NOP56: variants seen among roughly 807,000 people sequenced by gnomAD.
The protein encoded by NOP56 is nucleolar protein 56.
Under a neutral mutation model 58.3 loss-of-function variants are expected in NOP56, and 31 were observed. That is an observed-to-expected ratio of 0.53 (90% confidence interval 0.40 to 0.72). The LOEUF is 0.72. NOP56 is among the 30% of genes least tolerant of loss of function. The pLI, the probability that NOP56 is intolerant of heterozygous loss-of-function variation, is 0.00. For synonymous variants in NOP56, 313 were observed against 282.8 expected (o/e 1.11, Z -1.07); for missense variants, 669 against 739.9 (o/e 0.90, Z 1.11).
chr20:2,652,824 C>T lies in NOP56; in HGVS notation c.4-18C>T. Reference sequence around the variant, plus strand: ...CGCTGAGGTTGCGTTGACGCTCGCGCCCCGGCTCCCGTTCCAGGTGCTGTT... The same window carrying T: ...CGCTGAGGTTGCGTTGACGCTCGCGTCCCGGCTCCCGTTCCAGGTGCTGTT... On this transcript the variant is annotated intron_variant, in intron 1 of 11. Coordinates refer to ENST00000329276, the MANE Select transcript of NOP56 (RefSeq NM_006392.4). The T allele has an allele frequency of 6.2e-7, 1 of 1,605,790 alleles. No homozygotes were observed. Among genetic ancestry groups the T allele is most frequent in the Non-Finnish European group, 8.5e-7 (1 of 1,176,866 alleles).
At chr20:2,656,666 G>A (rs959999174) in intron 9 of NOP56, 108 bp from the exon 10 acceptor site, 1 of 1,607,668 alleles carries the variant, frequency 6.2e-7, no homozygotes, top group Non-Finnish European at 8.5e-7. Context: ...AGTTCACCTA[G>A]TGAGTGTTGA....
chr20:2,652,969 G>C (rs778247906), intron 2 of NOP56, 38 bp downstream of exon 2: 4 of 1,523,354 alleles, frequency 2.6e-6, no homozygotes, highest in Non-Finnish European at 3.6e-6. Context: ...CGGCCCCGCA[G>C]ACCCTCATCG....
intron 5 of NOP56, 156 bp downstream of exon 5, chr20:2,655,103 C>A (rs974102313): frequency 2.8e-6 from 3 of 1,079,222 alleles, no homozygotes; most frequent in Non-Finnish European, 4.3e-6. Context: ...TGTTCTTACA[C>A]TGACTGTATA....
rs746587837 is a variant in NOP56, at chr20:2,658,069, C to T, written c.1560C>T (p.Ser520=). The T allele has an allele frequency of 3.1e-6, 5 of 1,613,846 alleles. No individual in the cohort carries two copies. The highest frequency in any genetic ancestry group is 2.2e-5 in the South Asian group (2 of 91,058). The part of the protein sequence containing the change: ...KSFSKEELMS[S]DLEETAGSTS... Reference sequence around the variant, plus strand: ...TTTCCAAGGAGGAGTTGATGAGTAGCGATCTTGAAGAGACCGCTGGCAGCA... The same window carrying T: ...TTTCCAAGGAGGAGTTGATGAGTAGTGATCTTGAAGAGACCGCTGGCAGCA... The change falls in exon 12 of 12, where the codon AGC becomes AGT. Residue 520 remains serine (S), a synonymous_variant. Transcript: ENST00000329276.
chr20:2,655,811 T>C, intron 7 of NOP56, 65 bp downstream of exon 7: 2 of 1,612,244 alleles, frequency 1.2e-6, no homozygotes, highest in Non-Finnish European at 1.7e-6. Flanking sequence ...TGCACTGCTG[T>C]ATTTCGTGAC....
Position 2,655,525 on chromosome 20 carries a change from C to T in NOP56, c.757+13C>T, listed in dbSNP as rs1348036902. ...CGGTCCTCCATGGGTCAGTGCAGAG[C>T]CTGGCAACCTGCATAAGGTATGGGG... On this transcript the variant is annotated intron_variant, in intron 6 of 11. Transcript: ENST00000329276. 1 of 1,614,074 alleles carries T rather than the reference C, an allele frequency of 6.2e-7. No individual in the cohort carries two copies.
At chr20:2,656,933 A>C (rs1256560534) in intron 10 of NOP56, 38 bp downstream of exon 10, 2 of 1,614,032 alleles carry the variant, frequency 1.2e-6, no homozygotes, top group East Asian at 2.2e-5. Flanking sequence ...TGGCATAGCT[A>C]GCTGTTGGAG....
Position 2,652,907 on chromosome 20 carries a change from G to T in NOP56, c.69G>T (p.Glu23Asp), listed in dbSNP as rs1417310324. 6.2e-7 allele frequency: 1 copy of T among 1,609,104 alleles called. No homozygotes were observed. Residue 23 changes from glutamate (E) to aspartate (D), a missense_variant, in exon 2 of 12, where the codon GAG becomes GAT. Physicochemically the swap from Glu to Asp is conservative, Grantham distance 45 (BLOSUM62 2). Coordinates refer to ENST00000329276, the MANE Select transcript of NOP56 (RefSeq NM_006392.4). Reference protein sequence around the residue: ...GYALLALKEVEEISLLQPQVE... With the variant: ...GYALLALKEVDEISLLQPQVE... Reference sequence around the variant, plus strand: ...CGCTGCTGGCGCTGAAGGAAGTGGAGGAGATCAGTCTGCTGCAGCCGCAGG... The same window carrying T: ...CGCTGCTGGCGCTGAAGGAAGTGGATGAGATCAGTCTGCTGCAGCCGCAGG...
chr20:2,657,278 CAA>C, intron 11 of NOP56, 60 bp downstream of exon 11: 1 of 1,609,132 alleles, frequency 6.2e-7, no homozygotes, highest in Non-Finnish European at 8.5e-7. Flanking sequence ...AACAGCAGAA[CAA>C]AGGATATGCT....
At chr20:2,652,793 G>T (rs1036343933) in intron 1 of NOP56, 49 bp from the exon 2 acceptor site, 2 of 1,581,842 alleles carry the variant, frequency 1.3e-6, no homozygotes, top group Non-Finnish European at 1.7e-6. Flanking sequence ...AACGGGTTCC[G>T]GCAGACGCTG....
rs11553611 is a variant in NOP56, at chr20:2,658,336, C to G, written c.*42C>G. The G allele has an allele frequency of 0.026, 41,968 of 1,603,870 alleles. 671 individuals carry two copies. Among genetic ancestry groups the G allele is most frequent in the Non-Finnish European group, 0.031 (37,002 of 1,175,048 alleles). ...CTCTGGGAGGTGGGGCATACCATAGCCCAAGGTGACATTTCCCACCCTGTG... is the reference window on the plus strand; with the variant it reads ...CTCTGGGAGGTGGGGCATACCATAGGCCAAGGTGACATTTCCCACCCTGTG... On this transcript the variant is annotated 3_prime_UTR_variant, in exon 12 of 12. Transcript: ENST00000329276.
In NOP56 at chr20:2,657,219, G is replaced by A; in HGVS notation, c.1419+1G>A. ...CAGTAGTACTCCAGAGGAGTGTGAG[G>A]TCAGTAGGCAGCACGGCCCTGGCAG... On this transcript the variant is annotated splice_donor_variant, in intron 11 of 11. Coordinates refer to ENST00000329276, the MANE Select transcript of NOP56 (RefSeq NM_006392.4). LOFTEE classifies it high-confidence loss of function. 2.2e-5 allele frequency: 36 copies of A among 1,614,172 alleles called. No individual in the cohort carries two copies. The highest frequency in any genetic ancestry group is 3.0e-5 in the Non-Finnish European group (35 of 1,180,032).
chr20:2,653,386 G>C lies in NOP56; in HGVS notation c.201G>C (p.Val67=), dbSNP rs778708942. 3 of 1,613,816 alleles carry C rather than the reference G, an allele frequency of 1.9e-6. No homozygotes were observed. Among genetic ancestry groups the C allele is most frequent in the East Asian group, 2.2e-5 (1 of 44,876 alleles). The change falls in exon 3 of 12, where the codon GTG becomes GTC. Residue 67 remains valine, a synonymous_variant. Transcript: ENST00000329276. Reference sequence around the variant, plus strand: ...TTGCCTTGGAAAATGCCAACGCCGTGTCTGAAGGTAAGTCGGCCACCGCCA... The same window carrying C: ...TTGCCTTGGAAAATGCCAACGCCGTCTCTGAAGGTAAGTCGGCCACCGCCA... ...SQVALENANA[V]SEGVVHEDLR... is the part of the protein sequence containing the mutation.
chr20:2,657,165 G>C lies in NOP56; in HGVS notation c.1366G>C (p.Ala456Pro), dbSNP rs764594542. 8 of 1,614,076 alleles carry C rather than the reference G, an allele frequency of 5.0e-6. No homozygotes were observed. The highest frequency in any genetic ancestry group is 6.8e-6 in the Non-Finnish European group (8 of 1,180,048). ...AAAGAAGGAAAAGAAACGGCTGGCTGCACTTGCCCTCGCGTCTTCAGAAAA... is the reference window on the plus strand; with the variant it reads ...AAAGAAGGAAAAGAAACGGCTGGCTCCACTTGCCCTCGCGTCTTCAGAAAA... The part of the protein sequence containing the change: ...RLKKEKKRLA[A>P]LALASSENSS... Residue 456 changes from alanine to proline, a missense_variant, in exon 11 of 12, where the codon GCA becomes CCA. Ala to Pro is a conservative substitution (Grantham distance 27). Coordinates refer to ENST00000329276, the MANE Select transcript of NOP56 (RefSeq NM_006392.4).
At chr20:2,652,757 G>GGGT in intron 1 of NOP56, 85 bp from the exon 2 acceptor site, 1 of 510,076 alleles carries the variant, frequency 2.0e-6, no homozygotes, top group Non-Finnish European at 2.8e-6. Flanking sequence ...GCCTGGGCCT[G>GGGT]CGCCTGCGCC....
intron 11 of NOP56, chr20:2,657,724 G>A (rs2086845364): frequency 1.6e-6 from 1 of 608,868 alleles, no homozygotes; most frequent in Non-Finnish European, 2.8e-6. Flanking sequence ...TTTTTTAATG[G>A]GCTGAGGTAA....
intron 11 of NOP56, chr20:2,657,549 C>G: frequency 1.8e-6 from 1 of 544,056 alleles, no homozygotes; most frequent in South Asian, 1.9e-5. Flanking sequence ...TCGTGTTTCA[C>G]AGTGGGGATG....
intron 7 of NOP56, 86 bp from the exon 8 acceptor site, chr20:2,655,848 G>T: frequency 1.9e-6 from 3 of 1,609,978 alleles, no homozygotes; most frequent in Non-Finnish European, 2.5e-6. Context: ...AGTTGTGCTT[G>T]ATGGGGAGGT....
At chr20:2,656,075 T>G in intron 8 of NOP56, 41 bp downstream of exon 8, 1 of 1,613,944 alleles carries the variant, frequency 6.2e-7, no homozygotes, top group Non-Finnish European at 8.5e-7. Context: ...GTGCCACTTC[T>G]GGTGCCCACT....
Sources: gnomAD v4.1 joint callset for allele counts on GRCh38, gnomAD v4.1.1 for gene constraint, MANE v1.5 for transcripts, NCBI Gene and HGNC (gene_info 2026-07-23, HGNC 2026-07-21) for gene names.